TOX: variants seen among roughly 807,000 people sequenced by gnomAD.
TOX encodes the protein thymocyte selection associated high mobility group box.
In TOX, 11 loss-of-function variants were observed where a neutral mutation model predicts 53.7. The observed-to-expected ratio is 0.20, with a 90% confidence interval of 0.13 to 0.34. TOX has a LOEUF of 0.34. TOX is among the 10% of genes least tolerant of loss of function. TOX has a pLI of 1.00. For synonymous variants in TOX, 225 were observed against 245.3 expected (o/e 0.92, Z 0.77); for missense variants, 570 against 664.6 (o/e 0.86, Z 1.56).
intron 1 of TOX, among the ~76,000 whole-genome samples, chr8:59,080,274 C>T (rs907309592): frequency 6.6e-6 from 1 of 152,172 alleles, no homozygotes; most frequent in Non-Finnish European, 1.5e-5. Context: ...AGCCACTGCA[C>T]CCAGCCACAG....
At chr8:59,116,915 A>G (rs1426479064) in intron 1 of TOX, among the ~76,000 whole-genome samples, 1 of 152,236 alleles carries the variant, frequency 6.6e-6, no homozygotes, top group Non-Finnish European at 1.5e-5. Context: ...AGCACAACCC[A>G]CTAAAATTAT....
At chr8:58,807,852 T>C (rs1200733794) in intron 8 of TOX, 69 bp from the exon 9 acceptor site, 1 of 1,583,020 alleles carries the variant, frequency 6.3e-7, no homozygotes, top group Non-Finnish European at 8.7e-7. Flanking sequence ...AATGGGGGGA[T>C]GGATGTCTTT....
Position 58,829,044 on chromosome 8 carries a change from C to A in TOX, c.925-2142G>T, listed in dbSNP as rs139621366. 2.0e-5 allele frequency among the ~76,000 whole-genome samples: 3 copies of A among 152,270 alleles called. No homozygotes were observed. In the East Asian group the frequency reaches 5.8e-4, roughly 29 times the overall value. On this transcript the variant is annotated intron_variant, in intron 5 of 8. Coordinates refer to ENST00000361421, the MANE Select transcript of TOX (RefSeq NM_014729.3). ...AAGGCAAATAGAATGCACTTTGGTT[C>A]ATAGCATTGCCCACAGTGGCATTTT...
At chr8:58,928,658 C>A (rs2326268) in intron 3 of TOX, among the ~76,000 whole-genome samples, 1 of 151,660 alleles carries the variant, frequency 6.6e-6, no homozygotes, top group Admixed American at 6.6e-5. Context: ...ACACACATCA[C>A]AATAGAAAAA....
intron 1 of TOX, among the ~76,000 whole-genome samples, chr8:59,068,276 TAAG>T (rs1804130969): frequency 6.6e-6 from 1 of 152,062 alleles, no homozygotes; most frequent in Non-Finnish European, 1.5e-5. Flanking sequence ...CAGTGTCTAA[TAAG>T]AAATAACATT....
At chr8:58,998,493 G>GTATATATATATATATATA (rs61434586) in intron 1 of TOX, among the ~76,000 whole-genome samples, 7 of 63,618 alleles carry the variant, frequency 1.1e-4, no homozygotes, top group African/African-American at 3.3e-4. Flanking sequence ...CATCTCAAAA[G>GTATATATATATATATATA]TATATATATA....
At chr8:58,929,176 T>C (rs1812217468) in intron 3 of TOX, among the ~76,000 whole-genome samples, 2 of 152,114 alleles carry the variant, frequency 1.3e-5, no homozygotes, top group South Asian at 2.1e-4. Context: ...ACTATCATTT[T>C]TGTGATTATA....
chr8:58,887,048 T>A (rs1333071005), intron 3 of TOX, among the ~76,000 whole-genome samples: 1 of 151,950 alleles, frequency 6.6e-6, no homozygotes, highest in African/African-American at 2.4e-5. Flanking sequence ...TTTATTAAAT[T>A]TTAAAAATAG....
chr8:59,033,442 A>G (rs762489292), intron 1 of TOX, among the ~76,000 whole-genome samples: 3 of 152,244 alleles, frequency 2.0e-5, no homozygotes, highest in Non-Finnish European at 2.9e-5. Context: ...CTTTGAGGAG[A>G]TGAGTGGTGG....
At chr8:58,988,191 A>C (rs1585944719) in intron 1 of TOX, among the ~76,000 whole-genome samples, 1 of 152,326 alleles carries the variant, frequency 6.6e-6, no homozygotes, top group East Asian at 1.9e-4. Context: ...CAACTCTTAA[A>C]AACTCAAAAG....
chr8:58,872,383 A>AG (rs1428028942), intron 3 of TOX, among the ~76,000 whole-genome samples: 2 of 152,148 alleles, frequency 1.3e-5, no homozygotes, highest in Non-Finnish European at 2.9e-5. Flanking sequence ...CACCTTCAGA[A>AG]GGGGGGAGCA....
chr8:59,032,096 C>T (rs1814367478), intron 1 of TOX, among the ~76,000 whole-genome samples: 1 of 152,124 alleles, frequency 6.6e-6, no homozygotes, highest in African/African-American at 2.4e-5. Flanking sequence ...ACGAGCTGCA[C>T]TCATGGTTTG....
At chr8:59,060,600 C>T (rs762062569) in intron 1 of TOX, among the ~76,000 whole-genome samples, 1 of 152,198 alleles carries the variant, frequency 6.6e-6, no homozygotes, top group Non-Finnish European at 1.5e-5. Flanking sequence ...GCACTCCAGC[C>T]TGGGTGACAG....
chr8:58,947,707 G>A (rs943492281), intron 2 of TOX, among the ~76,000 whole-genome samples: 3 of 152,164 alleles, frequency 2.0e-5, no homozygotes, highest in Admixed American at 6.5e-5. Flanking sequence ...GTCAAACTAA[G>A]TGATATCAGA....
intron 1 of TOX, among the ~76,000 whole-genome samples, chr8:58,990,712 T>C (rs7823862): frequency 0.083 from 12,626 of 152,192 alleles, 662 homozygotes; most frequent in Middle Eastern, 0.17. Flanking sequence ...TGCATGCATG[T>C]GCAACCCATT....
At chr8:58,976,022 G>A (rs1447158151) in intron 1 of TOX, among the ~76,000 whole-genome samples, 7 of 151,898 alleles carry the variant, frequency 4.6e-5, no homozygotes, top group African/African-American at 1.5e-4. Context: ...CAGTGAGCCG[G>A]GATTGCACCA....
intron 6 of TOX, among the ~76,000 whole-genome samples, chr8:58,822,143 C>T (rs1475615577): frequency 6.6e-6 from 1 of 152,206 alleles, no homozygotes; most frequent in African/African-American, 2.4e-5. Flanking sequence ...TAGCAATGTC[C>T]CCTGTTCAGA....
At chr8:59,072,949 T>C (rs1405072903) in intron 1 of TOX, among the ~76,000 whole-genome samples, 1 of 152,214 alleles carries the variant, frequency 6.6e-6, no homozygotes, top group Non-Finnish European at 1.5e-5. Flanking sequence ...ACTTGCTAAA[T>C]GTAATGAAGC....
intron 1 of TOX, among the ~76,000 whole-genome samples, chr8:58,977,727 G>A (rs1230181487): frequency 3.9e-5 from 6 of 152,154 alleles, no homozygotes; most frequent in African/African-American, 2.4e-5. Context: ...GGTCTGAGGA[G>A]AGGGGGAAAA....
Sources: allele counts gnomAD v4.1 joint callset (sites outside exome capture counted in the v4.1 genomes callset), GRCh38; gene constraint gnomAD v4.1.1; transcripts MANE v1.5; gene names NCBI Gene and HGNC (gene_info 2026-07-23, HGNC 2026-07-21).